SIPA1L3: variants seen among roughly 807,000 people sequenced by gnomAD.
SIPA1L3 encodes signal induced proliferation associated 1 like 3.
A neutral mutation model predicts 150.1 loss-of-function variants in SIPA1L3; 59 were observed. The ratio of observed to expected loss-of-function variants is 0.39; its 90% CI spans 0.32 to 0.49. The LOEUF is 0.49. Among genes scored for constraint, SIPA1L3 ranks in the 20% least tolerant of loss-of-function variants. SIPA1L3 has a pLI of 0.86. For synonymous variants in SIPA1L3, 1,070 were observed against 1,077.6 expected (o/e 0.99, Z 0.14); for missense variants, 2,211 against 2,489.5 (o/e 0.89, Z 2.38).
At chr19:37,933,399 C>T (rs958588947) in intron 1 of SIPA1L3, among the ~76,000 whole-genome samples, 27 of 152,120 alleles carry the variant, frequency 1.8e-4, no homozygotes, top group Non-Finnish European at 3.2e-4. Context: ...CTCACCCTCG[C>T]CCTTACTCTT....
intron 1 of SIPA1L3, among the ~76,000 whole-genome samples, chr19:37,999,019 A>C (rs548286312): frequency 1.1e-4 from 17 of 151,776 alleles, no homozygotes; most frequent in African/African-American, 4.1e-4. Context: ...ACACCCACAC[A>C]CACACAAAGA....
At chr19:38,025,896 C>A (rs549028827) in intron 1 of SIPA1L3, among the ~76,000 whole-genome samples, 3 of 152,118 alleles carry the variant, frequency 2.0e-5, no homozygotes, top group Non-Finnish European at 2.9e-5. Flanking sequence ...GTTTTAAAAG[C>A]GTGTTTTTCT....
At chr19:38,091,658 G>C (rs2145842187) in intron 4 of SIPA1L3, among the ~76,000 whole-genome samples, 1 of 152,298 alleles carries the variant, frequency 6.6e-6, no homozygotes, top group Non-Finnish European at 1.5e-5. Flanking sequence ...GCCGCACTCG[G>C]CTGCCTCTGG....
In SIPA1L3 at chr19:38,030,363, A is replaced by G. The variant is rs543833992; in HGVS notation, c.-311+1207A>G. 5.3e-5 allele frequency among the ~76,000 whole-genome samples: 8 copies of G among 151,978 alleles called. No homozygotes were observed. In the East Asian group the frequency reaches 1.4e-3, roughly 26 times the overall value. ...GATCGATTGAGCCCAGGTGCTGGAG[A>G]CCAGCCTGGGCAACAAAGTGAGACC... On this transcript the variant is annotated intron_variant, in intron 2 of 21. Transcript: ENST00000222345.
chr19:38,149,192 G>C (rs1971767928), intron 12 of SIPA1L3, among the ~76,000 whole-genome samples: 1 of 152,186 alleles, frequency 6.6e-6, no homozygotes, highest in Non-Finnish European at 1.5e-5. Flanking sequence ...CTTGAGGCCA[G>C]GAGTTTGAGA....
At chr19:38,085,352 C>T (rs1970102165) in intron 3 of SIPA1L3, among the ~76,000 whole-genome samples, 1 of 151,742 alleles carries the variant, frequency 6.6e-6, no homozygotes, top group Admixed American at 6.6e-5. Context: ...TGGTGGTGGG[C>T]GCCTGTAGTC....
At position 37,918,907 on chromosome 19, in the gene SIPA1L3, TAAATAAATAAAC is replaced by T. The variant is rs879882079; in HGVS notation, c.-379+11553_-379+11564del. On this transcript the variant is annotated intron_variant, in intron 1 of 21. Coordinates refer to ENST00000222345, the MANE Select transcript of SIPA1L3 (RefSeq NM_015073.3). ...ATAAATAAATAAATAAATAAATAAATAAATAAATAAACAAACTGCTGCTTTGGACATGAAACC... is the reference window on the plus strand; with the variant it reads ...ATAAATAAATAAATAAATAAATAAATAAACTGCTGCTTTGGACATGAAACC... 1.8e-3 allele frequency among the ~76,000 whole-genome samples: 275 copies of T among 150,062 alleles called. 1 individual carries two copies. The highest frequency in any genetic ancestry group is 3.4e-3 in the Middle Eastern group (1 of 294).
At chr19:38,088,152 C>G (rs377451678) in intron 3 of SIPA1L3, among the ~76,000 whole-genome samples, 1 of 152,322 alleles carries the variant, frequency 6.6e-6, no homozygotes, top group South Asian at 2.1e-4. Context: ...TCATCATGTG[C>G]GTACTATGTG....
In SIPA1L3 at chr19:38,081,792, A is replaced by C; in HGVS notation, c.227A>C (p.Lys76Thr). The C allele has an allele frequency of 6.2e-7, 1 of 1,612,682 alleles. No individual in the cohort carries two copies. Among genetic ancestry groups the C allele is most frequent in the Non-Finnish European group, 8.5e-7 (1 of 1,179,624 alleles). Residue 76 changes from lysine (K) to threonine (T), a missense_variant, in exon 3 of 22, where the codon AAG becomes ACG. Lys to Thr is a moderately conservative substitution (Grantham distance 78). Coordinates refer to ENST00000222345, the MANE Select transcript of SIPA1L3 (RefSeq NM_015073.3). ...AGCCCCACCACTCCCGCAATGCCCAAGATGGGCGTGCGCGCAAGGGTGGCC... is the reference window on the plus strand; with the variant it reads ...AGCCCCACCACTCCCGCAATGCCCACGATGGGCGTGCGCGCAAGGGTGGCC... ...RPSPTTPAMP[K>T]MGVRARVADW...
rs553280530 is a variant in SIPA1L3, at chr19:38,124,133, C to T, written c.2868+4251C>T. On this transcript the variant is annotated intron_variant, in intron 9 of 21. Coordinates refer to ENST00000222345, the MANE Select transcript of SIPA1L3 (RefSeq NM_015073.3). ...CCCACCTCCCTCCCGGACGGGGTGG[C>T]TGCCGGGCGGAGACGCTCCTCACTT... Among the ~76,000 whole-genome samples the T allele has an allele frequency of 5.2e-4, 78 of 149,666 alleles. No individual in the cohort carries two copies. In the East Asian group the frequency reaches 0.015, roughly 28 times the overall value.
At chr19:37,971,701 A>G (rs1966942947) in intron 1 of SIPA1L3, among the ~76,000 whole-genome samples, 1 of 151,938 alleles carries the variant, frequency 6.6e-6, no homozygotes, top group Non-Finnish European at 1.5e-5. Flanking sequence ...AGTACCTGGG[A>G]TTACAGGCGT....
At chr19:37,998,034 G>A (rs1193368588) in intron 1 of SIPA1L3, among the ~76,000 whole-genome samples, 5 of 152,160 alleles carry the variant, frequency 3.3e-5, no homozygotes, top group African/African-American at 1.2e-4. Context: ...GCTGGTAAGA[G>A]CTAGATAACC....
intron 1 of SIPA1L3, among the ~76,000 whole-genome samples, chr19:37,916,209 T>C (rs1417978216): frequency 1.3e-5 from 2 of 151,802 alleles, no homozygotes; most frequent in Non-Finnish European, 2.9e-5. Flanking sequence ...ATATTTTTAG[T>C]AGAGATGGGG....
At chr19:38,066,533 A>G (rs1334175868) in intron 2 of SIPA1L3, among the ~76,000 whole-genome samples, 1 of 152,212 alleles carries the variant, frequency 6.6e-6, no homozygotes, top group Non-Finnish European at 1.5e-5. Context: ...GGATTAAAAT[A>G]AATAGAATGA....
In SIPA1L3 at chr19:38,164,581, G is replaced by A; in HGVS notation, c.3883G>A (p.Glu1295Lys). Residue 1295 changes from glutamate (E) to lysine (K), a missense_variant, in exon 15 of 22, where the codon GAG becomes AAG. Physicochemically the swap from Glu to Lys is moderately conservative, Grantham distance 56 (BLOSUM62 1). This residue lies in a region of SIPA1L3 where 806 missense variants were observed against 870.1 expected (regional missense o/e 0.93). Coordinates refer to ENST00000222345, the MANE Select transcript of SIPA1L3 (RefSeq NM_015073.3). This position sits in a 1 kb window ranked among gnomAD's most constrained non-coding sequence, Gnocchi z 4.1. The stretch of plus-strand genomic sequence containing the variant: ...CTGGTTCGACCCCCTGGACCCCCTG[G>A]AGCCAGAGCAAGACCCCCTCTCCAA... ...DRWFDPLDPL[E>K]PEQDPLSKGG... 3.7e-6 allele frequency: 6 copies of A among 1,614,054 alleles called. No individual in the cohort carries two copies. The highest frequency in any genetic ancestry group is 5.1e-6 in the Non-Finnish European group (6 of 1,180,004).
intron 1 of SIPA1L3, among the ~76,000 whole-genome samples, chr19:38,028,408 G>T (rs139281265): frequency 1.3e-5 from 2 of 152,156 alleles, no homozygotes; most frequent in African/African-American, 4.8e-5. Flanking sequence ...CCTCTGGAAG[G>T]CTCTTTCCCA....
rs147693249 is a variant in SIPA1L3 at position 38,050,649 on chromosome 19, A to G, written c.-311+21493A>G. Among the ~76,000 whole-genome samples the G allele has an allele frequency of 5.1e-3, 784 of 152,338 alleles. 3 individuals carry two copies. The highest frequency in any genetic ancestry group is 8.8e-3 in the Admixed American group (134 of 15,296). On this transcript the variant is annotated intron_variant, in intron 2 of 21. Coordinates refer to ENST00000222345, the MANE Select transcript of SIPA1L3 (RefSeq NM_015073.3). ...ATTTCTGGCTTCTCCTGGGTCGTCC[A>G]AGAGACAATATAGTCAAAGTTGTCC...
At position 38,018,563 on chromosome 19, in the gene SIPA1L3, A is replaced by G. The variant is rs1322884797; in HGVS notation, c.-378-10526A>G. 2.6e-5 allele frequency among the ~76,000 whole-genome samples: 4 copies of G among 152,102 alleles called. No individual in the cohort carries two copies. The South Asian group carries it at 8.3e-4, about 32-fold the overall frequency. ...GGCTTTCACTCAACATCATGTTTTC[A>G]TGGCCCATCCATGTCACGCATGGAT... On this transcript the variant is annotated intron_variant, in intron 1 of 21. Coordinates refer to ENST00000222345, the MANE Select transcript of SIPA1L3 (RefSeq NM_015073.3).
At chr19:38,002,537 A>G (rs1335610641) in intron 1 of SIPA1L3, among the ~76,000 whole-genome samples, 1 of 151,204 alleles carries the variant, frequency 6.6e-6, no homozygotes, top group Non-Finnish European at 1.5e-5. Context: ...GATTGAGACC[A>G]TCCTGGCCAA....
Sources: allele counts gnomAD v4.1 joint callset (sites outside exome capture counted in the v4.1 genomes callset), GRCh38; gene constraint gnomAD v4.1.1; regional missense constraint gnomAD v4.1.1; non-coding constraint Gnocchi (gnomAD v3.1); transcripts MANE v1.5; gene names NCBI Gene and HGNC (gene_info 2026-07-23, HGNC 2026-07-21).